GRAMD4: variants seen among roughly 807,000 people sequenced by gnomAD.
GRAMD4 encodes the protein GRAM domain-containing protein 4.
In GRAMD4, 25 loss-of-function variants were observed where a neutral mutation model predicts 83.9. The observed-to-expected ratio is 0.30, with a 90% CI of 0.22 to 0.42. The LOEUF is 0.42. Ranked by LOEUF, GRAMD4 falls within the 10% of genes least tolerant of loss-of-function variation. The probability of loss-of-function intolerance (pLI) is 1.00; values close to 1 mark genes in which losing one functional copy is unlikely to be tolerated. For synonymous variants in GRAMD4, 336 were observed against 320.9 expected, an observed-to-expected ratio of 1.05 and a Z score of -0.50; for missense variants, 593 against 788.7, an observed-to-expected ratio of 0.75 and a Z score of 2.97.
chr22:46,640,163 G>T (rs959375398), intron 3 of GRAMD4, among the ~76,000 whole-genome samples: 4 of 152,204 alleles, frequency 2.6e-5, no homozygotes, highest in Admixed American at 6.5e-5. Context: ...TGCCTTATCC[G>T]CTGAACCTCA....
chr22:46,581,481 G>A (rs1226816737), intron 1 of GRAMD4, among the ~76,000 whole-genome samples: 1 of 152,228 alleles, frequency 6.6e-6, no homozygotes, highest in African/African-American at 2.4e-5. Context: ...CATAAACATT[G>A]CAGCCTTTCT....
At chr22:46,637,256 CTT>C (rs10644251) in intron 2 of GRAMD4, among the ~76,000 whole-genome samples, 7 of 143,094 alleles carry the variant, frequency 4.9e-5, no homozygotes, top group Non-Finnish European at 7.6e-5. Context: ...ATCCAGTTCC[CTT>C]TTTTTTTTTT....
chr22:46,669,015 G>A (rs2082457841), intron 13 of GRAMD4, 107 bp downstream of exon 13: 2 of 674,408 alleles, frequency 3.0e-6, no homozygotes, highest in Non-Finnish European at 5.3e-6. Flanking sequence ...CTCACCTGGC[G>A]ATCCTTCCTC....
chr22:46,600,818 T>TTTTATATGTATATATATATATGTTATA (rs2081305424), intron 1 of GRAMD4, among the ~76,000 whole-genome samples: 1 of 152,200 alleles, frequency 6.6e-6, no homozygotes, highest in Admixed American at 6.5e-5. Context: ...CTATTACATG[T>TTTTATATGTATATATATATATGTTATA]TAACATAAAT....
At chr22:46,607,501 C>T (rs916303034) in intron 1 of GRAMD4, among the ~76,000 whole-genome samples, 1 of 152,150 alleles carries the variant, frequency 6.6e-6, no homozygotes. Flanking sequence ...GGGCAGGTTA[C>T]TGTCCCTTAC....
chr22:46,619,641 G>A (rs980610026), upstream of GRAMD4, among the ~76,000 whole-genome samples: 5 of 152,176 alleles, frequency 3.3e-5, no homozygotes, highest in East Asian at 3.9e-4. Context: ...GGCCGCCCCC[G>A]GTCCTCCTGT....
At position 46,677,863 on chromosome 22, in the gene GRAMD4, C is replaced by T. The variant is rs1485625669; in HGVS notation, c.*612C>T. On this transcript the variant is annotated 3_prime_UTR_variant, in exon 19 of 19. Coordinates refer to ENST00000406902, the MANE Select transcript of GRAMD4 (RefSeq NM_015124.5). ...AGTGACCCTGCCTGCGCTCCACACT[C>T]GCTCCACGGGAACAGAGAGGGTGAG... 2.6e-5 allele frequency: 26 copies of T among 985,358 alleles called. No homozygotes were observed. Among genetic ancestry groups the T allele is most frequent in the Admixed American group, 1.8e-4 (3 of 16,280 alleles). The allele number at this position is 985,358 out of a possible 1,614,324, so 61.0% of individuals were successfully genotyped here. A position where few individuals can be genotyped will look rare whatever the true frequency, so the allele number is the denominator to read the frequency against.
At position 46,677,525 on chromosome 22, in the gene GRAMD4, G is replaced by T. The variant is rs549453683; in HGVS notation, c.*274G>T. On this transcript the variant is annotated 3_prime_UTR_variant, in exon 19 of 19. Coordinates refer to ENST00000406902, the MANE Select transcript of GRAMD4 (RefSeq NM_015124.5). Reference sequence around the variant, plus strand: ...GGGGAGGGGGCAGAGGCCCTCGGGGGCCCGTGGAGAAGACACACAGGACCC... The same window carrying T: ...GGGGAGGGGGCAGAGGCCCTCGGGGTCCCGTGGAGAAGACACACAGGACCC... 2 of 1,206,874 alleles carry T rather than the reference G, an allele frequency of 1.7e-6. No individual in the cohort carries two copies. Among genetic ancestry groups the T allele is most frequent in the African/African-American group, 3.1e-5 (2 of 65,042 alleles). The allele number at this position is 1,206,874 out of a possible 1,614,324, so 74.8% of individuals were successfully genotyped here.
At chr22:46,671,094 C>G in intron 13 of GRAMD4, 1 of 469,458 alleles carries the variant, frequency 2.1e-6, no homozygotes, top group East Asian at 7.0e-5. Context: ...GCTGCCTGCT[C>G]CAAGCAAGGA....
intron 11 of GRAMD4, among the ~76,000 whole-genome samples, chr22:46,668,456 C>T (rs1421446576): frequency 1.3e-5 from 2 of 152,112 alleles, no homozygotes; most frequent in Non-Finnish European, 2.9e-5. Flanking sequence ...CGCCCCTGGC[C>T]AGGGTTGAAC....
At chr22:46,618,817 G>A (rs894596879), upstream of GRAMD4, among the ~76,000 whole-genome samples, 3 of 152,236 alleles carry the variant, frequency 2.0e-5, no homozygotes, top group Non-Finnish European at 4.4e-5. This position sits in a 1 kb window ranked among gnomAD's most constrained non-coding sequence, Gnocchi z 5.8. Context: ...GGTTGGCAGT[G>A]GAGTGAGGAA....
In GRAMD4 at chr22:46,656,348, G is replaced by A. The variant is rs548125629; in HGVS notation, c.284-1839G>A. Among the ~76,000 whole-genome samples, 32 of 152,366 alleles carry A rather than the reference G, an allele frequency of 2.1e-4. 1 individual carries two copies. The highest frequency in any genetic ancestry group is 1.1e-3 in the Admixed American group (17 of 15,312). ...CTGTCTCTTCCCTTTTGGGTACCGT[G>A]AGCCTGTGGCTGCCGGGCAGGAAGG... On this transcript the variant is annotated intron_variant, in intron 3 of 18. Transcript: ENST00000406902.
intron 15 of GRAMD4, 82 bp downstream of exon 15, chr22:46,673,896 CG>C: frequency 6.8e-7 from 1 of 1,481,382 alleles, no homozygotes. Context: ...GGATGCAGGA[CG>C]GGGTCGCCCT....
At chr22:46,636,167 G>T (rs1428326853) in intron 2 of GRAMD4, among the ~76,000 whole-genome samples, 1 of 152,216 alleles carries the variant, frequency 6.6e-6, no homozygotes, top group East Asian at 1.9e-4. Context: ...TGGAGCACAG[G>T]TGGGGTTGTG....
rs561976817 is a variant in GRAMD4 at position 46,597,487 on chromosome 22, C to T, written c.-50+20197C>T. On this transcript the variant is annotated intron_variant, in intron 1 of 1. Transcript: ENST00000431155. ...GGCCTGGTTTCATTTATCTATCTAT[C>T]TATTTATTTATTTATTTTTTGAGAC... Among the ~76,000 whole-genome samples the T allele has an allele frequency of 1.4e-4, 22 of 152,118 alleles. 1 individual carries two copies. Among genetic ancestry groups the T allele is most frequent in the Admixed American group, 3.9e-4 (6 of 15,252 alleles).
intron 1 of GRAMD4, among the ~76,000 whole-genome samples, chr22:46,596,367 G>T (rs1186659792): frequency 2.0e-5 from 3 of 152,232 alleles, no homozygotes; most frequent in Non-Finnish European, 2.9e-5. Flanking sequence ...GGTCCTGCAG[G>T]GACTCCAGGG....
intron 1 of GRAMD4, among the ~76,000 whole-genome samples, chr22:46,603,510 C>CTTT (rs1569254336): frequency 1.1e-3 from 25 of 22,482 alleles, no homozygotes; most frequent in Admixed American, 3.7e-3. Flanking sequence ...CGCCCGGCCT[C>CTTT]TTCTCTTTTT....
chr22:46,663,157 C>T lies in GRAMD4; in HGVS notation c.584C>T (p.Pro195Leu). 1.9e-6 allele frequency: 3 copies of T among 1,611,482 alleles called. No homozygotes were observed. The highest frequency in any genetic ancestry group is 2.5e-6 in the Non-Finnish European group (3 of 1,179,022). ...PEENTVETEE[P>L]LSARRLTENM... ...GAGAACACTGTGGAGACAGAGGAAC[C>T]CCTGAGCGCCCGCAGGTAGGGGTTC... Residue 195 changes from proline (P) to leucine (L), a missense_variant, in exon 6 of 19, where the codon CCC (proline) becomes CTC (leucine). Around this residue, in one of 4 missense-constraint regions of GRAMD4, gnomAD observed 312 missense variants for 350.7 expected, o/e 0.89. Transcript: ENST00000406902.
At chr22:46,610,386 A>G (rs1189939241) in intron 1 of GRAMD4, among the ~76,000 whole-genome samples, 1 of 152,184 alleles carries the variant, frequency 6.6e-6, no homozygotes, top group Non-Finnish European at 1.5e-5. Context: ...CGGACCACAC[A>G]CCACCCACTG....
Sources: gnomAD v4.1 joint callset for allele counts (sites outside exome capture counted in the v4.1 genomes callset) on GRCh38, gnomAD v4.1.1 for gene constraint, gnomAD v4.1.1 regional missense constraint, Gnocchi (gnomAD v3.1) non-coding constraint, MANE v1.5 for transcripts, NCBI Gene and HGNC (gene_info 2026-07-23, HGNC 2026-07-21) for gene names.